Variants in ACSS3 observed in about 807,000 individuals in gnomAD.
ACSS3 encodes acyl-CoA synthetase short-chain family member 3, mitochondrial.
In ACSS3, 64 loss-of-function variants were observed where a neutral mutation model predicts 84.2. That is an observed-to-expected ratio of 0.76 (90% CI 0.62 to 0.94). ACSS3 has a LOEUF of 0.94. Among genes scored for constraint, ACSS3 ranks in the 40% least tolerant of loss-of-function variants. The probability of loss-of-function intolerance (pLI) is 0.00; values close to 1 mark genes in which losing one functional copy is unlikely to be tolerated. For missense variants in ACSS3, 815 were observed against 867.6 expected (o/e 0.94, Z 0.76); for synonymous variants, 317 against 310.1 (o/e 1.02, Z -0.23).
Position 81,109,659 on chromosome 12 carries a change from TACAA to T in ACSS3, c.415_418del (p.Asn139LeufsTer38), listed in dbSNP as rs1230987156. On this transcript the variant is annotated frameshift_variant, in exon 2 of 16. Coordinates refer to ENST00000548058, the MANE Select transcript of ACSS3 (RefSeq NM_024560.4). LOFTEE classifies it high-confidence loss of function. Reference sequence around the variant, plus strand: ...TTGCTATCATCTATGACAGTCCTGTTACAAACACTAAAGCAACCTTTACCTATAA... The same window carrying T: ...TTGCTATCATCTATGACAGTCCTGTTACACTAAAGCAACCTTTACCTATAA... 1 of 1,610,684 alleles carries T rather than the reference TACAA, an allele frequency of 6.2e-7. No individual in the cohort carries two copies. The highest frequency in any genetic ancestry group is 1.3e-5 in the African/African-American group (1 of 74,846).
intron 1 of ACSS3, among the ~76,000 whole-genome samples, chr12:81,083,869 CTG>C (rs1403997342): frequency 6.6e-6 from 1 of 152,030 alleles, no homozygotes; most frequent in Non-Finnish European, 1.5e-5. Flanking sequence ...ACTTGGGAGA[CTG>C]AGGCAGGAGA....
At chr12:81,147,757 A>G (rs746509663) in intron 5 of ACSS3, among the ~76,000 whole-genome samples, 1 of 151,762 alleles carries the variant, frequency 6.6e-6, no homozygotes, top group Non-Finnish European at 1.5e-5. Context: ...AATCAGAACC[A>G]TTCATTTTTT....
chr12:81,141,371 C>A (rs1886085777), intron 4 of ACSS3, among the ~76,000 whole-genome samples: 1 of 152,058 alleles, frequency 6.6e-6, no homozygotes, highest in South Asian at 2.1e-4. Context: ...GTCTTATTAA[C>A]CAGGATTGCA....
At chr12:81,152,861 A>G (rs550812368) in intron 7 of ACSS3, among the ~76,000 whole-genome samples, 1 of 152,324 alleles carries the variant, frequency 6.6e-6, no homozygotes, top group East Asian at 1.9e-4. Context: ...AAAAATACAG[A>G]AATGAAATAG....
chr12:81,226,855 A>T (rs1439091732), intron 11 of ACSS3, among the ~76,000 whole-genome samples: 1 of 151,850 alleles, frequency 6.6e-6, no homozygotes, highest in Non-Finnish European at 1.5e-5. Context: ...TCTTTCTAGA[A>T]CAAAGATCCA....
At chr12:81,173,633 A>G (rs1035549100) in intron 7 of ACSS3, among the ~76,000 whole-genome samples, 2 of 152,148 alleles carry the variant, frequency 1.3e-5, no homozygotes, top group Non-Finnish European at 2.9e-5. Flanking sequence ...GAAAAAATTA[A>G]TAGGTCTAAC....
intron 13 of ACSS3, among the ~76,000 whole-genome samples, chr12:81,246,671 G>T (rs2033995392): frequency 6.6e-6 from 1 of 152,112 alleles, no homozygotes. Context: ...GCAAACCCCA[G>T]AATAGTTTTT....
chr12:81,253,481 A>C lies in ACSS3; in HGVS notation c.1820-14A>C, dbSNP rs765629943. On this transcript the variant is annotated splice_polypyrimidine_tract_variant and intron_variant, in intron 14 of 15. Coordinates refer to ENST00000548058, the MANE Select transcript of ACSS3 (RefSeq NM_024560.4). ...AGGTTAATTCAGTGCTTACCATCTG[A>C]ACTTTCTCTCTAGATATAAATGCAA... 5 of 1,613,416 alleles carry C rather than the reference A, an allele frequency of 3.1e-6. No individual in the cohort carries two copies. The highest frequency in any genetic ancestry group is 3.4e-6 in the Non-Finnish European group (4 of 1,179,496).
chr12:81,178,844 T>C (rs2030691474), intron 8 of ACSS3, among the ~76,000 whole-genome samples: 1 of 152,084 alleles, frequency 6.6e-6, no homozygotes, highest in Non-Finnish European at 1.5e-5. Context: ...CCAAAGCAAT[T>C]TGAAACAAAA....
chr12:81,179,127 A>G (rs1404484422), intron 8 of ACSS3, among the ~76,000 whole-genome samples: 1 of 152,096 alleles, frequency 6.6e-6, no homozygotes, highest in Non-Finnish European at 1.5e-5. Context: ...TCCTTTCACC[A>G]CATACAAAAA....
chr12:81,220,709 G>C (rs1051545629), intron 11 of ACSS3, among the ~76,000 whole-genome samples: 1 of 151,936 alleles, frequency 6.6e-6, no homozygotes. Context: ...TTCAGTTTCT[G>C]ATTTGACTTT....
intron 2 of ACSS3, among the ~76,000 whole-genome samples, chr12:81,133,359 A>G (rs1182726145): frequency 6.6e-6 from 1 of 152,156 alleles, no homozygotes; most frequent in East Asian, 1.9e-4. Flanking sequence ...AAGGCAAGCC[A>G]TGGTCCTTCC....
intron 13 of ACSS3, among the ~76,000 whole-genome samples, chr12:81,243,870 G>A (rs1342488209): frequency 6.6e-6 from 1 of 151,876 alleles, no homozygotes; most frequent in African/African-American, 2.4e-5. Context: ...TTATCTGTGA[G>A]GTAAATTGAG....
chr12:81,114,981 T>C (rs1283355890), intron 2 of ACSS3, among the ~76,000 whole-genome samples: 1 of 152,170 alleles, frequency 6.6e-6, no homozygotes, highest in Non-Finnish European at 1.5e-5. Context: ...TTGAACTTTA[T>C]ACAAATTGAG....
chr12:81,094,320 T>C (rs1881882224), intron 1 of ACSS3: 1 of 152,132 alleles, frequency 6.6e-6, no homozygotes. Context: ...TTTTTCCTTA[T>C]GAAATATTTG....
At chr12:81,130,928 G>A (rs1885454520) in intron 2 of ACSS3, among the ~76,000 whole-genome samples, 1 of 152,016 alleles carries the variant, frequency 6.6e-6, no homozygotes, top group Admixed American at 6.6e-5. Flanking sequence ...GTCAAAGATT[G>A]GATGGTTGTA....
Position 81,078,113 on chromosome 12 carries a change from CGGA to C in ACSS3, c.-3_-1del, listed in dbSNP as rs1880728454. 2.7e-6 allele frequency: 4 copies of C among 1,468,010 alleles called. No homozygotes were observed. The highest frequency in any genetic ancestry group is 2.9e-5 in the African/African-American group (2 of 69,992). 90.9% of individuals were successfully genotyped at this position (1,468,010 alleles called of 1,614,324 possible). A position where few individuals can be genotyped will look rare whatever the true frequency, so the allele number is the denominator to read the frequency against. The stretch of plus-strand genomic sequence containing the variant: ...CGCACACTCGGGGACCGCGGGTGGC[CGGA>C]GGAGATGAAACCGTCTTGGCTGCAG... On this transcript the variant is annotated 5_prime_UTR_variant, in exon 1 of 16. Coordinates refer to ENST00000548058, the MANE Select transcript of ACSS3 (RefSeq NM_024560.4).
intron 1 of ACSS3, among the ~76,000 whole-genome samples, chr12:81,096,492 C>A (rs1052018915): frequency 6.6e-6 from 1 of 152,134 alleles, no homozygotes; most frequent in African/African-American, 2.4e-5. Context: ...TATTATTATA[C>A]TTTAAGTTCT....
intron 8 of ACSS3, among the ~76,000 whole-genome samples, chr12:81,196,249 C>G (rs1457579500): frequency 6.6e-6 from 1 of 152,150 alleles, no homozygotes; most frequent in Non-Finnish European, 1.5e-5. Flanking sequence ...TACCTCTACA[C>G]TCTCCCATAT....
Sources: gnomAD v4.1 joint callset for allele counts (sites outside exome capture counted in the v4.1 genomes callset) on GRCh38, gnomAD v4.1.1 for gene constraint, MANE v1.5 for transcripts, NCBI Gene and HGNC (gene_info 2026-07-23, HGNC 2026-07-21) for gene names.